SPMIP4: variants seen among roughly 807,000 people sequenced by gnomAD.
The protein encoded by SPMIP4 is sperm-associated microtubule inner protein 4.
the SPMIP4 span, among the ~76,000 whole-genome samples, chr7:25,167,907 C>A: frequency 6.6e-6 from 1 of 152,062 alleles, no homozygotes. Context: ...GAAAACAATG[C>A]CCAGTAGATT....
the SPMIP4 span, among the ~76,000 whole-genome samples, chr7:25,146,902 C>T: frequency 1.3e-5 from 2 of 152,156 alleles, no homozygotes; most frequent in African/African-American, 4.8e-5. Context: ...TTCTCATATC[C>T]TAAAAGCTAA....
At chr7:25,143,742 C>T in the SPMIP4 span, among the ~76,000 whole-genome samples, 1 of 152,106 alleles carries the variant, frequency 6.6e-6, no homozygotes, top group Non-Finnish European at 1.5e-5. Context: ...CAGGCCTGTA[C>T]CACCACTCCT....
chr7:25,136,166 C>G, the SPMIP4 span: 4 of 1,614,016 alleles, frequency 2.5e-6, no homozygotes, highest in Non-Finnish European at 3.4e-6. This position sits in a 1 kb window ranked among gnomAD's most constrained non-coding sequence, Gnocchi z 5.7. Context: ...GGAATCCAAC[C>G]AAGAACAGGT....
At chr7:25,171,786 C>G in the SPMIP4 span, among the ~76,000 whole-genome samples, 1 of 151,696 alleles carries the variant, frequency 6.6e-6, no homozygotes, top group African/African-American at 2.4e-5. Context: ...CTAAAGGAGA[C>G]CATCTACACA....
the SPMIP4 span, among the ~76,000 whole-genome samples, chr7:25,143,583 CTTTTTT>C: frequency 1.8e-5 from 2 of 110,692 alleles, no homozygotes; most frequent in African/African-American, 6.9e-5. Flanking sequence ...AGTAAAGACA[CTTTTTT>C]TTTTTTTTTT....
At chr7:25,158,624 G>T in the SPMIP4 span, 2 of 1,017,604 alleles carry the variant, frequency 2.0e-6, no homozygotes, top group Non-Finnish European at 3.0e-6. Flanking sequence ...TATAGGCTGG[G>T]CATGGTGGCT....
chr7:25,166,226 CCGT>C, the SPMIP4 span, among the ~76,000 whole-genome samples: 6 of 50,510 alleles, frequency 1.2e-4, no homozygotes, highest in African/African-American at 4.0e-4. Context: ...TTCTTTCTTT[CCGT>C]CTTCTTTTTT....
the SPMIP4 span, among the ~76,000 whole-genome samples, chr7:25,175,754 G>T: frequency 6.6e-6 from 1 of 152,162 alleles, no homozygotes; most frequent in Non-Finnish European, 1.5e-5. Context: ...GAGATACCTT[G>T]TGATTCAAAT....
the SPMIP4 span, among the ~76,000 whole-genome samples, chr7:25,169,641 G>A: frequency 5.9e-5 from 9 of 152,050 alleles, no homozygotes; most frequent in African/African-American, 1.9e-4. Context: ...CGTGATCTTG[G>A]CTCACTGCAG....
chr7:25,161,063 A>G, the SPMIP4 span: 1 of 569,446 alleles, frequency 1.8e-6, no homozygotes, highest in African/African-American at 2.0e-5. Flanking sequence ...CATTGTCTCT[A>G]TTTTAAAAAA....
the SPMIP4 span, among the ~76,000 whole-genome samples, chr7:25,158,147 C>T: frequency 1.8e-4 from 28 of 152,116 alleles, no homozygotes; most frequent in African/African-American, 6.7e-4. Flanking sequence ...GTGGGCGGAT[C>T]ACTTGAGCCC....
chr7:25,139,255 C>A, the SPMIP4 span, among the ~76,000 whole-genome samples: 1 of 152,092 alleles, frequency 6.6e-6, no homozygotes, highest in South Asian at 2.1e-4. Flanking sequence ...GCAATTTACT[C>A]TAAAATGCAT....
chr7:25,164,145 A>G, the SPMIP4 span, among the ~76,000 whole-genome samples: 1 of 152,212 alleles, frequency 6.6e-6, no homozygotes, highest in African/African-American at 2.4e-5. Context: ...TCTGAAAACC[A>G]AAGAGTGGAA....
the SPMIP4 span, among the ~76,000 whole-genome samples, chr7:25,154,063 C>T: frequency 6.6e-6 from 1 of 152,288 alleles, no homozygotes; most frequent in Non-Finnish European, 1.5e-5. Flanking sequence ...TCCCATGGAC[C>T]GCAGGTGAGT....
chr7:25,165,108 T>C, the SPMIP4 span, among the ~76,000 whole-genome samples: 1 of 152,214 alleles, frequency 6.6e-6, no homozygotes, highest in African/African-American at 2.4e-5. Flanking sequence ...CTTTTTCATA[T>C]AATGACTTCT....
At chr7:25,152,890 T>C in the SPMIP4 span, among the ~76,000 whole-genome samples, 5 of 151,746 alleles carry the variant, frequency 3.3e-5, no homozygotes, top group African/African-American at 1.2e-4. Context: ...ACTACAGGCA[T>C]GCACCACCAG....
the SPMIP4 span, chr7:25,126,012 A>G: frequency 1.1e-6 from 1 of 932,754 alleles, no homozygotes; most frequent in Non-Finnish European, 1.3e-6. Context: ...CAATGATAAC[A>G]TTTATGTACC....
chr7:25,139,326 T>C, the SPMIP4 span, among the ~76,000 whole-genome samples: 1 of 152,170 alleles, frequency 6.6e-6, no homozygotes, highest in Non-Finnish European at 1.5e-5. Context: ...GAAAGATGGA[T>C]AGATTATGTG....
chr7:25,174,703 C>T, the SPMIP4 span, among the ~76,000 whole-genome samples: 1 of 152,128 alleles, frequency 6.6e-6, no homozygotes, highest in African/African-American at 2.4e-5. This position sits in a 1 kb window ranked among gnomAD's most constrained non-coding sequence, Gnocchi z 4.5. Context: ...ATTCTCAAGG[C>T]ACTTCCTTAA....
Sources: gnomAD v4.1 joint callset for allele counts (sites outside exome capture counted in the v4.1 genomes callset) on GRCh38, gnomAD v4.1.1 for gene constraint, Gnocchi (gnomAD v3.1) non-coding constraint, MANE v1.5 for transcripts, NCBI Gene and HGNC (gene_info 2026-07-23, HGNC 2026-07-21) for gene names.